The following PPP2R2C variants were observed in gnomAD, a reference collection of about 807,000 sequenced individuals.
PPP2R2C encodes protein phosphatase 2 regulatory subunit Bgamma, also known as protein phosphatase 2, regulatory subunit B, gamma.
In PPP2R2C, 10 loss-of-function variants were observed where a neutral mutation model predicts 45.3. The observed-to-expected ratio is 0.22, with a 90% CI of 0.14 to 0.37. The LOEUF is 0.37. Among genes scored for constraint, PPP2R2C ranks in the 10% least tolerant of loss-of-function variants. The pLI is 1.00. For synonymous variants in PPP2R2C, 257 were observed against 245.4 expected (o/e 1.05, Z -0.44); for missense variants, 308 against 619.7 (o/e 0.50, Z 5.34).
intron 1 of PPP2R2C, among the ~76,000 whole-genome samples, chr4:6,425,838 G>T (rs907850726): frequency 7.1e-6 from 1 of 140,438 alleles, no homozygotes; most frequent in South Asian, 2.3e-4. Flanking sequence ...TGTGTGTGTG[G>T]TGTGTGTGTT....
intron 1 of PPP2R2C, among the ~76,000 whole-genome samples, chr4:6,437,050 A>G (rs1560546556): frequency 1.3e-5 from 2 of 152,200 alleles, no homozygotes; most frequent in South Asian, 4.2e-4. Context: ...GAGCTGTCCA[A>G]TGCAGAATCC....
intron 6 of PPP2R2C, among the ~76,000 whole-genome samples, chr4:6,338,389 G>A (rs1733164797): frequency 2.0e-5 from 3 of 152,218 alleles, no homozygotes; most frequent in African/African-American, 7.2e-5. Flanking sequence ...GCCACAGAGA[G>A]CCTTCCCCAC....
chr4:6,554,930 G>GAAAGAAAGAAA, intron 1 of PPP2R2C, among the ~76,000 whole-genome samples: 1 of 116,192 alleles, frequency 8.6e-6, no homozygotes, highest in African/African-American at 3.9e-5. Flanking sequence ...AAGGAAGGAA[G>GAAAGAAAGAAA]GAAAGAAAGA....
chr4:6,382,147 A>G, intron 1 of PPP2R2C: 1 of 1,219,676 alleles, frequency 8.2e-7, no homozygotes, highest in Non-Finnish European at 1.0e-6. Context: ...GATTTCCTAT[A>G]AAAATCCACA....
At chr4:6,350,452 C>T (rs1362189065) in intron 5 of PPP2R2C, 3 of 985,326 alleles carry the variant, frequency 3.0e-6, no homozygotes, top group Non-Finnish European at 3.6e-6. Flanking sequence ...TCTCTCTGCA[C>T]ACCCTGAGAC....
intron 1 of PPP2R2C, among the ~76,000 whole-genome samples, chr4:6,431,880 C>T (rs1008661422): frequency 2.6e-5 from 4 of 152,136 alleles, no homozygotes; most frequent in Admixed American, 2.6e-4. Context: ...ATTTACATCT[C>T]ACAGTTCTAG....
intron 1 of PPP2R2C, chr4:6,420,886 T>C (rs999653183): frequency 5.0e-5 from 48 of 953,184 alleles, no homozygotes; most frequent in Non-Finnish European, 4.5e-5. Flanking sequence ...ATGTTACTGA[T>C]GGGATGTGGT....
chr4:6,478,908 G>A (rs906514447), intron 2 of PPP2R2C, among the ~76,000 whole-genome samples: 6 of 152,202 alleles, frequency 3.9e-5, no homozygotes, highest in African/African-American at 1.4e-4. Context: ...GAGAGACAGG[G>A]GTGGTGAGCT....
At chr4:6,532,429 C>T (rs566864450) in intron 2 of PPP2R2C, among the ~76,000 whole-genome samples, 4 of 152,300 alleles carry the variant, frequency 2.6e-5, no homozygotes, top group African/African-American at 9.6e-5. Flanking sequence ...GACTGGGGCA[C>T]CCCCAATCCC....
rs559116714 is a variant in PPP2R2C at position 6,416,562 on chromosome 4, C to T, written c.71-35468G>A. On this transcript the variant is annotated intron_variant, in intron 1 of 8. Coordinates refer to ENST00000382599, the MANE Select transcript of PPP2R2C (RefSeq NM_020416.4). ...CCCAACAGAAAGCAGCTGTGACCCC[C>T]GGGGTGAAGCAGAAGCCCTGGCTGC... is the stretch of plus-strand genomic sequence containing the variant. Among the ~76,000 whole-genome samples the T allele has an allele frequency of 3.3e-5, 5 of 152,328 alleles. No homozygotes were observed. In the East Asian group the frequency reaches 5.8e-4, roughly 18 times the overall value.
At chr4:6,453,149 T>A (rs1444532180) in intron 1 of PPP2R2C, among the ~76,000 whole-genome samples, 1 of 152,088 alleles carries the variant, frequency 6.6e-6, no homozygotes, top group East Asian at 1.9e-4. Flanking sequence ...CTCATCTCCA[T>A]CCACCCTTGA....
intron 6 of PPP2R2C, among the ~76,000 whole-genome samples, chr4:6,344,816 G>A (rs1711681182): frequency 6.6e-6 from 1 of 151,944 alleles, no homozygotes; most frequent in Non-Finnish European, 1.5e-5. Flanking sequence ...CTTCCCTGTG[G>A]CATTAAAAAT....
chr4:6,515,131 C>T (rs951335007), intron 2 of PPP2R2C, among the ~76,000 whole-genome samples: 3 of 152,178 alleles, frequency 2.0e-5, no homozygotes, highest in African/African-American at 7.2e-5. Flanking sequence ...GGACACAATT[C>T]CACCCACAAC....
intron 1 of PPP2R2C, among the ~76,000 whole-genome samples, chr4:6,559,523 C>A (rs1482784153): frequency 6.6e-6 from 1 of 152,030 alleles, no homozygotes; most frequent in Non-Finnish European, 1.5e-5. Context: ...CTCCCAACAC[C>A]TTAACCCAAT....
In PPP2R2C at chr4:6,333,625, C is replaced by T. The variant is rs1038652256; in HGVS notation, c.897G>A (p.Arg299=). 3 of 1,614,092 alleles carry T rather than the reference C, an allele frequency of 1.9e-6. No individual in the cohort carries two copies. The highest frequency in any genetic ancestry group is 2.5e-6 in the Non-Finnish European group (3 of 1,180,000). The change falls in exon 7 of 9, where the codon CGG becomes CGA. Residue 299 remains arginine, a synonymous_variant. Transcript: ENST00000382599. ...FSHSGRYMLT[R]DYLTVKVWDL... Reference sequence around the variant, plus strand: ...CCCAGACCTTGACTGTAAGGTAGTCCCGGGTGAGCATGTAGCGGCCGCTGT... The same window carrying T: ...CCCAGACCTTGACTGTAAGGTAGTCTCGGGTGAGCATGTAGCGGCCGCTGT...
chr4:6,356,622 G>C (rs1326631491), intron 5 of PPP2R2C, among the ~76,000 whole-genome samples: 1 of 152,252 alleles, frequency 6.6e-6, no homozygotes, highest in Non-Finnish European at 1.5e-5. Flanking sequence ...CCCAGATGAG[G>C]ATGGGGTAAG....
intron 1 of PPP2R2C, among the ~76,000 whole-genome samples, chr4:6,548,570 G>C (rs1328510143): frequency 2.0e-5 from 3 of 152,206 alleles, no homozygotes; most frequent in African/African-American, 7.2e-5. Context: ...ACTTGTTAAA[G>C]GTAAAAGGTA....
intron 1 of PPP2R2C, among the ~76,000 whole-genome samples, chr4:6,561,534 T>G (rs1725577719): frequency 1.3e-5 from 2 of 152,262 alleles, no homozygotes; most frequent in South Asian, 4.2e-4. Context: ...TTGTTTCATG[T>G]TTTTCCAAGA....
intron 1 of PPP2R2C, chr4:6,383,571 A>C: frequency 3.2e-6 from 2 of 629,738 alleles, no homozygotes; most frequent in African/African-American, 1.9e-5. Context: ...TATTCTTCCA[A>C]TTCTGCCCCA....
Sources: gnomAD v4.1 joint callset for allele counts (sites outside exome capture counted in the v4.1 genomes callset) on GRCh38, gnomAD v4.1.1 for gene constraint, MANE v1.5 for transcripts, NCBI Gene and HGNC (gene_info 2026-07-23, HGNC 2026-07-21) for gene names.